The following CACNA2D3 variants were observed in gnomAD, a reference collection of about 807,000 sequenced individuals.
The protein encoded by CACNA2D3 is calcium voltage-gated channel auxiliary subunit alpha2delta 3, also known as voltage-dependent calcium channel subunit alpha-2/delta-3.
In CACNA2D3, 60 loss-of-function variants were observed where a neutral mutation model predicts 160.6. That is an observed-to-expected ratio of 0.37 (90% confidence interval 0.30 to 0.46). CACNA2D3 has a LOEUF of 0.46. Among genes scored for constraint, CACNA2D3 ranks in the 20% least tolerant of loss-of-function variants. The probability of loss-of-function intolerance (pLI) is 1.00; values close to 1 mark genes in which losing one functional copy is unlikely to be tolerated. For synonymous variants in CACNA2D3, 558 were observed against 492.9 expected, an observed-to-expected ratio of 1.13 and a Z score of -1.75; for missense variants, 1,205 against 1,365.0, an observed-to-expected ratio of 0.88 and a Z score of 1.85.
chr3:54,829,670 C>T (rs1338184796), intron 14 of CACNA2D3, among the ~76,000 whole-genome samples: 2 of 151,998 alleles, frequency 1.3e-5, no homozygotes, highest in Admixed American at 6.6e-5. Context: ...AGCCTCACCC[C>T]ATTAACCCTA....
chr3:54,639,412 C>T (rs1345440601), intron 10 of CACNA2D3: 2 of 152,632 alleles, frequency 1.3e-5, no homozygotes, highest in African/African-American at 4.8e-5. Context: ...GGAAGACTGC[C>T]TTCCCAGTCC....
chr3:54,616,722 CT>C (rs1559527531), intron 9 of CACNA2D3, among the ~76,000 whole-genome samples: 1 of 152,268 alleles, frequency 6.6e-6, no homozygotes, highest in South Asian at 2.1e-4. Flanking sequence ...GGCAAAAAAA[CT>C]TTTTTAGAGA....
At chr3:54,168,714 G>A (rs1333741424) in intron 2 of CACNA2D3, among the ~76,000 whole-genome samples, 3 of 152,160 alleles carry the variant, frequency 2.0e-5, no homozygotes, top group Non-Finnish European at 4.4e-5. Context: ...GTTTGTTTAT[G>A]CAAATGAATT....
At chr3:54,560,933 A>G (rs566679491) in intron 5 of CACNA2D3, among the ~76,000 whole-genome samples, 1 of 152,262 alleles carries the variant, frequency 6.6e-6, no homozygotes, top group African/African-American at 2.4e-5. Context: ...CCATTGGTCT[A>G]TGTATCTGTT....
intron 13 of CACNA2D3, among the ~76,000 whole-genome samples, chr3:54,807,674 A>G (rs1317587748): frequency 6.6e-6 from 1 of 151,816 alleles, no homozygotes; most frequent in Non-Finnish European, 1.5e-5. Context: ...AGAACTAGAA[A>G]TACCATTTGA....
chr3:54,508,643 C>T (rs966648162), intron 5 of CACNA2D3, among the ~76,000 whole-genome samples: 4 of 152,230 alleles, frequency 2.6e-5, no homozygotes, highest in African/African-American at 9.6e-5. Context: ...TCCTCTTCTT[C>T]CCCCAGTAAC....
rs1178981660 is a variant in CACNA2D3 at position 54,849,885 on chromosome 3, T to C, written c.1626+3418T>C. ...AGAGGTGGGTTTCTCTGAAGCACAA[T>C]ACCAATATTTTTCTAATTTGTCCTA... On this transcript the variant is annotated intron_variant, in intron 17 of 37. Transcript: ENST00000474759. 2.0e-5 allele frequency among the ~76,000 whole-genome samples: 3 copies of C among 152,220 alleles called. No individual in the cohort carries two copies. The East Asian group carries it at 5.8e-4, about 29-fold the overall frequency.
chr3:55,018,121 G>A (rs1050043482), intron 34 of CACNA2D3, 85 bp from the exon 35 acceptor site: 9 of 765,782 alleles, frequency 1.2e-5, no homozygotes, highest in African/African-American at 8.6e-5. Flanking sequence ...GCGGAACTGT[G>A]TTCTGGGTTG....
intron 29 of CACNA2D3, among the ~76,000 whole-genome samples, chr3:54,976,087 AC>A (rs1702386548): frequency 7.2e-6 from 1 of 139,770 alleles, no homozygotes; most frequent in Non-Finnish European, 1.6e-5. Context: ...ACACACACAC[AC>A]ACACATTATA....
At chr3:54,468,537 T>C (rs925312245) in intron 4 of CACNA2D3, among the ~76,000 whole-genome samples, 6 of 152,196 alleles carry the variant, frequency 3.9e-5, no homozygotes, top group Non-Finnish European at 8.8e-5. Context: ...GCTGCAGTTT[T>C]TTTCATGTCC....
chr3:54,881,930 T>C (rs1699807364), intron 21 of CACNA2D3, among the ~76,000 whole-genome samples: 1 of 152,342 alleles, frequency 6.6e-6, no homozygotes, highest in Non-Finnish European at 1.5e-5. Flanking sequence ...CAGTGGTCCC[T>C]GCCCGTGTTG....
chr3:54,881,460 G>T lies in CACNA2D3; in HGVS notation c.1912+597G>T, dbSNP rs144502410. 1.4e-3 allele frequency among the ~76,000 whole-genome samples: 219 copies of T among 152,334 alleles called. 1 individual carries two copies. Among genetic ancestry groups the T allele is most frequent in the African/African-American group, 5.1e-3 (212 of 41,582 alleles). On this transcript the variant is annotated intron_variant, in intron 21 of 37. Coordinates refer to ENST00000474759, the MANE Select transcript of CACNA2D3 (RefSeq NM_018398.3). ...TATCTTCATAAAGCACAGAGGCACA[G>T]TAAACTCTCAGTAAACAGGAGCAGT...
At chr3:54,836,645 G>T (rs1167123523) in intron 14 of CACNA2D3, among the ~76,000 whole-genome samples, 2 of 152,054 alleles carry the variant, frequency 1.3e-5, no homozygotes, top group African/African-American at 4.8e-5. Flanking sequence ...TTCCATCTGG[G>T]ACTGGCATTC....
chr3:54,281,458 G>A (rs1320085153), intron 2 of CACNA2D3, among the ~76,000 whole-genome samples: 1 of 152,172 alleles, frequency 6.6e-6, no homozygotes, highest in Non-Finnish European at 1.5e-5. Flanking sequence ...TCATGAGGGG[G>A]AGGAAGTGCT....
chr3:54,184,621 C>G (rs1459395016), intron 2 of CACNA2D3, among the ~76,000 whole-genome samples: 1 of 152,212 alleles, frequency 6.6e-6, no homozygotes, highest in African/African-American at 2.4e-5. Context: ...GTGAAATGGG[C>G]CATCCCATGG....
At chr3:54,933,197 A>T (rs74519468) in intron 27 of CACNA2D3, among the ~76,000 whole-genome samples, 2,023 of 152,298 alleles carry the variant, frequency 0.013, 45 homozygotes, top group African/African-American at 0.047. Context: ...AATATATTTT[A>T]AAATGACAAT....
At chr3:54,711,347 AC>A (rs1700948687) in intron 11 of CACNA2D3, among the ~76,000 whole-genome samples, 1 of 152,216 alleles carries the variant, frequency 6.6e-6, no homozygotes, top group Non-Finnish European at 1.5e-5. Flanking sequence ...TCACCCGGAG[AC>A]AGAGCAGTTC....
chr3:54,125,112 C>T (rs1231641076), intron 2 of CACNA2D3, among the ~76,000 whole-genome samples: 24 of 152,170 alleles, frequency 1.6e-4, no homozygotes, highest in African/African-American at 2.4e-5. Context: ...CTCATCTGCA[C>T]GTTGTAGTTG....
chr3:54,998,083 C>T (rs1188937190), intron 31 of CACNA2D3, among the ~76,000 whole-genome samples: 1 of 151,598 alleles, frequency 6.6e-6, no homozygotes, highest in Non-Finnish European at 1.5e-5. Flanking sequence ...ATATGACCAT[C>T]AGAGATAATG....
Sources: gnomAD v4.1 joint callset for allele counts (sites outside exome capture counted in the v4.1 genomes callset) on GRCh38, gnomAD v4.1.1 for gene constraint, MANE v1.5 for transcripts, NCBI Gene and HGNC (gene_info 2026-07-23, HGNC 2026-07-21) for gene names.